Variants in TAF3 observed in about 807,000 individuals in gnomAD.
TAF3 encodes transcription initiation factor TFIID subunit 3.
Under a neutral mutation model 80.6 loss-of-function variants are expected in TAF3, and 7 were observed. That is an observed-to-expected ratio of 0.09 (90% CI 0.05 to 0.16). The LOEUF is 0.16. TAF3 is among the 10% of genes least tolerant of loss of function. TAF3 has a pLI of 1.00. For missense variants in TAF3, 921 were observed against 1,140.2 expected (o/e 0.81, Z 2.77); for synonymous variants, 444 against 446.1 (o/e 1.00, Z 0.06).
intron 2 of TAF3, among the ~76,000 whole-genome samples, chr10:7,897,738 C>T (rs1296023325): frequency 6.6e-6 from 1 of 151,240 alleles, no homozygotes; most frequent in Non-Finnish European, 1.5e-5. Context: ...CAGCTCACTA[C>T]AGTCTCAAAC....
chr10:7,954,815 T>C (rs1206891126), intron 2 of TAF3, among the ~76,000 whole-genome samples: 6 of 121,840 alleles, frequency 4.9e-5, no homozygotes, highest in South Asian at 3.1e-4. Context: ...GTGAATTAGT[T>C]CTAGTTAACA....
At chr10:7,927,441 G>A (rs370924681) in intron 2 of TAF3, among the ~76,000 whole-genome samples, 2 of 152,176 alleles carry the variant, frequency 1.3e-5, no homozygotes, top group African/African-American at 4.8e-5. Flanking sequence ...TGAAAATGTG[G>A]AAGAGAATTT....
At chr10:7,845,620 A>G (rs1193435026) in intron 2 of TAF3, among the ~76,000 whole-genome samples, 2 of 151,978 alleles carry the variant, frequency 1.3e-5, no homozygotes, top group Non-Finnish European at 2.9e-5. Flanking sequence ...CTTGGTGAAT[A>G]TCTGTGAGTA....
chr10:7,910,852 T>A (rs1046206237), intron 2 of TAF3, among the ~76,000 whole-genome samples: 1 of 152,202 alleles, frequency 6.6e-6, no homozygotes, highest in African/African-American at 2.4e-5. Flanking sequence ...AAAAAATAGA[T>A]CAATAAGTTC....
At position 7,970,415 on chromosome 10, in the gene TAF3, A is replaced by G. The variant is rs146478906; in HGVS notation, c.2232+4673A>G. ...TGTTTTACAGTTGAGAAAACTGCAC[A>G]GAAAGGTCGAGTACCTTGCTGTAGC... On this transcript the variant is annotated intron_variant, in intron 3 of 6. Transcript: ENST00000344293. 4.0e-3 allele frequency among the ~76,000 whole-genome samples: 604 copies of G among 152,344 alleles called. 3 individuals are homozygous for G. Among genetic ancestry groups the G allele is most frequent in the African/African-American group, 0.013 (547 of 41,574 alleles).
chr10:7,909,328 G>T (rs1588548069), intron 2 of TAF3, among the ~76,000 whole-genome samples: 2 of 152,330 alleles, frequency 1.3e-5, no homozygotes, highest in African/African-American at 4.8e-5. Context: ...TAGTCAGGAG[G>T]TGGAGGCCAG....
intron 1 of TAF3, among the ~76,000 whole-genome samples, chr10:7,823,685 A>C (rs2131097693): frequency 6.8e-6 from 1 of 146,448 alleles, no homozygotes; most frequent in African/African-American, 2.5e-5. Context: ...CCCAGGCTAG[A>C]GTGTAGTGGC....
At chr10:7,975,001 G>T in intron 3 of TAF3, 2 of 198,752 alleles carry the variant, frequency 1.0e-5, no homozygotes, top group South Asian at 1.3e-4. Flanking sequence ...TTGAACCTGG[G>T]AGTTGGAGGT....
chr10:8,011,067 C>G (rs1056479811), intron 5 of TAF3, among the ~76,000 whole-genome samples: 10 of 152,052 alleles, frequency 6.6e-5, no homozygotes, highest in Non-Finnish European at 1.3e-4. Context: ...AAACACACAA[C>G]GAAATATTTA....
chr10:7,983,054 C>T (rs780599837), intron 4 of TAF3, among the ~76,000 whole-genome samples: 26 of 151,668 alleles, frequency 1.7e-4, no homozygotes, highest in Non-Finnish European at 2.2e-4. Context: ...GTGACTTCGG[C>T]GGGGCCACCT....
chr10:7,998,637 G>A (rs952092239), intron 4 of TAF3, among the ~76,000 whole-genome samples: 20 of 151,922 alleles, frequency 1.3e-4, no homozygotes, highest in Admixed American at 8.5e-4. Context: ...TCAGGAGTTC[G>A]AGACCAGCCT....
chr10:7,891,036 C>T (rs1262863963), intron 2 of TAF3, among the ~76,000 whole-genome samples: 4 of 152,144 alleles, frequency 2.6e-5, no homozygotes, highest in African/African-American at 4.8e-5. Context: ...ATTGGGGCCC[C>T]GCCCTTTGCA....
chr10:7,861,422 T>G (rs904303558), intron 2 of TAF3, among the ~76,000 whole-genome samples: 1 of 152,160 alleles, frequency 6.6e-6, no homozygotes, highest in Non-Finnish European at 1.5e-5. Context: ...AGCCTTTTCA[T>G]CTTTGCATCT....
chr10:8,009,154 GC>G lies in TAF3; in HGVS notation c.2397del (p.Ala800ArgfsTer49). On this transcript the variant is annotated frameshift_variant, in exon 5 of 7. Transcript: ENST00000344293. LOFTEE classifies it high-confidence loss of function. The surrounding 1 kb of genome is among the most constrained non-coding windows in gnomAD (Gnocchi z 4.1). ...GAACAGGCCGAAGACCCCACCGCCG[GC>G]CCCCGCGCCCGCCCCCGGCCCCATG... is the stretch of plus-strand genomic sequence containing the variant. Reference protein sequence around the residue: ...SQNRPKTPPPAPAPAPGPMLV... With the variant: ...SQNRPKTPPPXPAPAPGPMLV... 6.4e-7 allele frequency: 1 copy of G among 1,569,048 alleles called. No homozygotes were observed. Among genetic ancestry groups the G allele is most frequent in the Non-Finnish European group, 8.6e-7 (1 of 1,158,234 alleles).
chr10:7,870,265 A>G (rs1837252333), intron 2 of TAF3, among the ~76,000 whole-genome samples: 1 of 152,194 alleles, frequency 6.6e-6, no homozygotes, highest in Non-Finnish European at 1.5e-5. Flanking sequence ...CTCATCAGTC[A>G]TTGGTTGTAC....
chr10:7,861,901 A>G (rs1327642455), intron 2 of TAF3, among the ~76,000 whole-genome samples: 2 of 151,998 alleles, frequency 1.3e-5, no homozygotes, highest in East Asian at 1.9e-4. Flanking sequence ...TTTCCCTATC[A>G]TCTCCTTCTG....
chr10:8,013,779 A>G lies in TAF3; in HGVS notation c.2617A>G (p.Lys873Glu), dbSNP rs1169504835. 1 of 1,614,088 alleles carries G rather than the reference A, an allele frequency of 6.2e-7. No homozygotes were observed. The highest frequency in any genetic ancestry group is 8.5e-7 in the Non-Finnish European group (1 of 1,180,018). The change falls in exon 6 of 7, where the codon AAG (lysine) becomes GAG (glutamate). Residue 873 changes from lysine to glutamate, a missense_variant. This residue lies in a region of TAF3 where 5 missense variants were observed against 44.3 expected (regional missense o/e 0.11). Transcript: ENST00000344293. Reference protein sequence around the residue: ...NQIWICPGCNKPDDGSPMIGC... With the variant: ...NQIWICPGCNEPDDGSPMIGC... Reference sequence around the variant, plus strand: ...GATCTGGATCTGCCCTGGGTGTAACAAGCCTGACGATGGGAGTCCCATGAT... The same window carrying G: ...GATCTGGATCTGCCCTGGGTGTAACGAGCCTGACGATGGGAGTCCCATGAT...
intron 2 of TAF3, among the ~76,000 whole-genome samples, chr10:7,960,315 G>A (rs1227318677): frequency 1.3e-5 from 2 of 152,178 alleles, no homozygotes; most frequent in Non-Finnish European, 2.9e-5. Context: ...AGCGAGGGAG[G>A]GAGGGAAAAG....
chr10:7,987,815 T>G (rs1278252460), intron 4 of TAF3, among the ~76,000 whole-genome samples: 1 of 152,202 alleles, frequency 6.6e-6, no homozygotes, highest in Admixed American at 6.5e-5. Flanking sequence ...AAATCCTTTC[T>G]TCTTTGGGGG....
Sources: gnomAD v4.1 joint callset for allele counts (sites outside exome capture counted in the v4.1 genomes callset) on GRCh38, gnomAD v4.1.1 for gene constraint, gnomAD v4.1.1 regional missense constraint, Gnocchi (gnomAD v3.1) non-coding constraint, MANE v1.5 for transcripts, NCBI Gene and HGNC (gene_info 2026-07-23, HGNC 2026-07-21) for gene names.